Variants in ACACB observed in about 807,000 individuals in gnomAD.
ACACB encodes the protein acetyl-CoA carboxylase beta.
ACACB carries 209 observed loss-of-function variants against 278.8 expected under a neutral mutation model. The ratio of observed to expected loss-of-function variants is 0.75; its 90% CI spans 0.67 to 0.84. The LOEUF is 0.84. ACACB is among the 40% of genes least tolerant of loss of function. The pLI, the probability that ACACB is intolerant of heterozygous loss-of-function variation, is 0.00. For missense variants in ACACB, 2,850 were observed against 3,269.0 expected, an observed-to-expected ratio of 0.87 and a Z score of 3.13; for synonymous variants, 1,174 against 1,285.6, an observed-to-expected ratio of 0.91 and a Z score of 1.86.
intron 51 of ACACB, 45 bp downstream of exon 51, chr12:109,265,325 G>T (rs765773532): frequency 1.2e-6 from 2 of 1,610,604 alleles, no homozygotes; most frequent in Non-Finnish European, 1.7e-6. Context: ...AGGGGGTGCT[G>T]GGGGCTGAGA....
intron 2 of ACACB, among the ~76,000 whole-genome samples, chr12:109,162,608 G>T (rs1408196555): frequency 6.6e-6 from 1 of 152,078 alleles, no homozygotes; most frequent in Non-Finnish European, 1.5e-5. Context: ...ACAGTTGAGG[G>T]CATGGGGCCT....
Position 109,180,078 on chromosome 12 carries a change from C to T in ACACB, c.1809C>T (p.Ala603=). ...TTGCTGATGTTAATCTGCCGGCCGC[C>T]CAGCTACAGGTGAGAAAATGGGCTT... ...EMIADVNLPA[A]QLQIAMGVPL... The change falls in exon 11 of 53, where the codon GCC becomes GCT. Residue 603 remains alanine (A), a synonymous_variant. Coordinates refer to ENST00000338432, the MANE Select transcript of ACACB (RefSeq NM_001093.4). The T allele has an allele frequency of 1.2e-6, 2 of 1,610,868 alleles. No individual in the cohort carries two copies.
At chr12:109,179,510 A>T in intron 10 of ACACB, 1 of 620,874 alleles carries the variant, frequency 1.6e-6, no homozygotes, top group Non-Finnish European at 2.8e-6. Context: ...TTTTTGAGAC[A>T]GAGTCTCACT....
chr12:109,211,278 G>T (rs1170300523), intron 21 of ACACB, among the ~76,000 whole-genome samples: 1 of 151,594 alleles, frequency 6.6e-6, no homozygotes, highest in Non-Finnish European at 1.5e-5. Context: ...GCTCCCACGT[G>T]GATGAACCTA....
chr12:109,197,049 T>C lies in ACACB; in HGVS notation c.2523T>C (p.Asn841=), dbSNP rs150233687. Residue 841 remains asparagine, a synonymous_variant, in exon 17 of 53, where the codon AAT becomes AAC. Transcript: ENST00000338432. The stretch of plus-strand genomic sequence containing the variant: ...TGACCATGTTCGTTCTCATCATGAA[T>C]GGCTGCCACATCGAGATTGATGCCC... ...QSLTMFVLIM[N]GCHIEIDAHR... is the part of the protein sequence containing the mutation. 154 of 1,591,454 alleles carry C rather than the reference T, an allele frequency of 9.7e-5. 1 individual carries two copies. In the African/African-American group the frequency reaches 1.5e-3, roughly 16 times the overall value.
At chr12:109,182,523 A>G (rs2044513617) in intron 11 of ACACB, among the ~76,000 whole-genome samples, 1 of 152,170 alleles carries the variant, frequency 6.6e-6, no homozygotes. Context: ...GTGCAACACC[A>G]TGCCCAGCTA....
intron 10 of ACACB, 139 bp from the exon 11 acceptor site, chr12:109,179,778 A>G: frequency 2.0e-6 from 2 of 1,001,046 alleles, no homozygotes; most frequent in East Asian, 5.2e-5. Context: ...GGCATGAGCC[A>G]CCACACCTGG....
intron 45 of ACACB, 148 bp downstream of exon 45, chr12:109,256,384 G>A: frequency 1.6e-6 from 1 of 631,328 alleles, no homozygotes; most frequent in Non-Finnish European, 2.9e-6. Flanking sequence ...AATGATTTCT[G>A]CAGTGTCTGT....
At chr12:109,136,914 C>G (rs2042978567) in intron 1 of ACACB, among the ~76,000 whole-genome samples, 1 of 152,154 alleles carries the variant, frequency 6.6e-6, no homozygotes, top group African/African-American at 2.4e-5. Context: ...AGTGGGCATC[C>G]TTGTCTTATT....
rs772154670 is a variant in ACACB, at chr12:109,206,879, G to GCACA, written c.3060+24_3060+25insACAC. The stretch of plus-strand genomic sequence containing the variant: ...AAGGTAAAGTCACCTATGAGCGCAG[G>GCACA]CGTGTAGACCAGTGCGGAGGGTCAG... On this transcript the variant is annotated intron_variant, in intron 20 of 52. Coordinates refer to ENST00000338432, the MANE Select transcript of ACACB (RefSeq NM_001093.4). The GCACA allele has an allele frequency of 5.6e-6, 9 of 1,614,034 alleles. No homozygotes were observed. In the African/African-American group the frequency reaches 1.2e-4, roughly 22 times the overall value.
At chr12:109,235,767 G>A in intron 33 of ACACB, 120 bp downstream of exon 33, 1 of 885,374 alleles carries the variant, frequency 1.1e-6, no homozygotes, top group African/African-American at 1.7e-5. Flanking sequence ...GGAGGCTGAG[G>A]CAGGAGGTTT....
intron 2 of ACACB, among the ~76,000 whole-genome samples, chr12:109,163,085 G>A (rs1397143683): frequency 6.6e-6 from 1 of 152,076 alleles, no homozygotes; most frequent in Non-Finnish European, 1.5e-5. Context: ...CACCAAGCCC[G>A]GCTAATTTTT....
chr12:109,233,900 C>A lies in ACACB; in HGVS notation c.4240-38C>A, dbSNP rs771450064. On this transcript the variant is annotated intron_variant, in intron 30 of 52. Coordinates refer to ENST00000338432, the MANE Select transcript of ACACB (RefSeq NM_001093.4). ...TGGGGAGCAGGTGGGCCGTGGCCCC[C>A]AGGCTTTCCAGCCCTACCCCTTGCT... 1.2e-5 allele frequency: 20 copies of A among 1,613,458 alleles called. No homozygotes were observed. The South Asian group carries it at 2.0e-4, about 16-fold the overall frequency.
intron 36 of ACACB, chr12:109,241,563 G>T: frequency 2.6e-6 from 1 of 391,548 alleles, no homozygotes; most frequent in Non-Finnish European, 4.8e-6. Flanking sequence ...GGCCAGGCTG[G>T]TCTCGAATTC....
At chr12:109,248,662 T>C (rs1171771421) in intron 40 of ACACB, among the ~76,000 whole-genome samples, 3 of 152,212 alleles carry the variant, frequency 2.0e-5, no homozygotes, top group Non-Finnish European at 4.4e-5. Flanking sequence ...CTAGCCGCGC[T>C]GGCAGCTGGA....
rs562094257 is a variant in ACACB at position 109,191,648 on chromosome 12, G to A, written c.2180G>A (p.Arg727Gln). The change falls in exon 14 of 53, where the codon CGA becomes CAA. Residue 727 changes from arginine to glutamine, a missense_variant. Transcript: ENST00000338432. ...MVVALKELSI[R>Q]GDFRTTVEYL... ...GTGGCTTTGAAGGAACTGTCCATCC[G>A]AGGCGACTTTAGGACTACCGTGGAA... 3 of 1,614,152 alleles carry A rather than the reference G, an allele frequency of 1.9e-6. No homozygotes were observed. The highest frequency in any genetic ancestry group is 1.1e-5 in the South Asian group (1 of 91,076).
chr12:109,252,004 C>G, intron 41 of ACACB, 42 bp from the exon 42 acceptor site: 2 of 1,496,656 alleles, frequency 1.3e-6, no homozygotes, highest in Non-Finnish European at 1.8e-6. Context: ...GGGTGGGTCC[C>G]TCGCCACTCT....
chr12:109,115,291 G>T (rs2042381829), upstream of ACACB, among the ~76,000 whole-genome samples: 1 of 152,146 alleles, frequency 6.6e-6, no homozygotes, highest in African/African-American at 2.4e-5. Context: ...ACATCAGCTT[G>T]ATTTCAAAGC....
At chr12:109,256,261 T>C (rs2047221970) in intron 45 of ACACB, 25 bp downstream of exon 45, 1 of 1,600,502 alleles carries the variant, frequency 6.2e-7, no homozygotes, top group African/African-American at 1.3e-5. Flanking sequence ...GGGAGCAGGC[T>C]GCCCATGTCT....
Sources: gnomAD v4.1 joint callset for allele counts (sites outside exome capture counted in the v4.1 genomes callset) on GRCh38, gnomAD v4.1.1 for gene constraint, MANE v1.5 for transcripts, NCBI Gene and HGNC (gene_info 2026-07-23, HGNC 2026-07-21) for gene names.